Variants in NLGN1 observed in about 807,000 individuals in gnomAD.
NLGN1 encodes the protein neuroligin 1.
A neutral mutation model predicts 65.5 loss-of-function variants in NLGN1; 12 were observed. The ratio of observed to expected loss-of-function variants is 0.18; its 90% CI spans 0.12 to 0.30. NLGN1 has a LOEUF of 0.30. NLGN1 is among the 10% of genes least tolerant of loss of function. The pLI is 1.00. For synonymous variants in NLGN1, 350 were observed against 359.5 expected (o/e 0.97, Z 0.30); for missense variants, 750 against 1,007.1 (o/e 0.74, Z 3.46).
intron 4 of NLGN1, among the ~76,000 whole-genome samples, chr3:174,117,200 G>T (rs6765643): frequency 0.075 from 11,165 of 148,816 alleles, 479 homozygotes; most frequent in African/African-American, 0.1. Flanking sequence ...CATTATGTCT[G>T]TAATAGGCAT....
At chr3:173,794,633 T>C (rs1578466363) in intron 3 of NLGN1, among the ~76,000 whole-genome samples, 2 of 152,136 alleles carry the variant, frequency 1.3e-5, no homozygotes, top group African/African-American at 4.8e-5. Context: ...GAACATCAGT[T>C]TGAGATTCTT....
intron 2 of NLGN1, among the ~76,000 whole-genome samples, chr3:173,561,068 G>C (rs558660542): frequency 6.6e-6 from 1 of 152,248 alleles, no homozygotes; most frequent in South Asian, 2.1e-4. Flanking sequence ...AGCCTAGATT[G>C]TTCCTAATCT....
At chr3:173,705,817 G>A (rs1767966208) in intron 3 of NLGN1, among the ~76,000 whole-genome samples, 1 of 151,694 alleles carries the variant, frequency 6.6e-6, no homozygotes, top group Non-Finnish European at 1.5e-5. Context: ...GAACATTTTG[G>A]TCACAATTTT....
At chr3:174,293,798 CTG>C in the NLGN1 span, among the ~76,000 whole-genome samples, 1 of 151,538 alleles carries the variant, frequency 6.6e-6, no homozygotes, top group Non-Finnish European at 1.5e-5. Context: ...AAAATTAAAA[CTG>C]ACGTATTTCA....
At chr3:173,411,258 C>T (rs144242297) in intron 1 of NLGN1, among the ~76,000 whole-genome samples, 23 of 152,274 alleles carry the variant, frequency 1.5e-4, no homozygotes, top group African/African-American at 4.1e-4. Flanking sequence ...CATTCCCTTA[C>T]GGAGTCTAAA....
intron 3 of NLGN1, among the ~76,000 whole-genome samples, chr3:173,683,911 G>T (rs1764322665): frequency 6.6e-6 from 1 of 152,100 alleles, no homozygotes; most frequent in South Asian, 2.1e-4. Context: ...GGAAATGGCT[G>T]TTGGACTTGA....
At chr3:174,212,249 C>A (rs1430502440) in intron 4 of NLGN1, among the ~76,000 whole-genome samples, 1 of 152,214 alleles carries the variant, frequency 6.6e-6, no homozygotes, top group Admixed American at 6.5e-5. Flanking sequence ...GCCAGCAGGG[C>A]TGGCCGGCTG....
chr3:173,926,841 C>T (rs1188249070), intron 4 of NLGN1, among the ~76,000 whole-genome samples: 1 of 152,106 alleles, frequency 6.6e-6, no homozygotes, highest in Non-Finnish European at 1.5e-5. Context: ...CATTGTTAAC[C>T]ATACCTTTAG....
At chr3:173,837,263 A>G (rs2150644171) in intron 4 of NLGN1, among the ~76,000 whole-genome samples, 1 of 152,266 alleles carries the variant, frequency 6.6e-6, no homozygotes, top group South Asian at 2.1e-4. Flanking sequence ...TAAAGACAAA[A>G]GATGTTTTTA....
chr3:174,155,369 C>G (rs560531252), intron 4 of NLGN1, among the ~76,000 whole-genome samples: 1 of 151,708 alleles, frequency 6.6e-6, no homozygotes, highest in East Asian at 1.9e-4. Context: ...AGACATTAGT[C>G]TTTGAGGTAC....
chr3:174,001,589 A>G (rs1467502553), intron 4 of NLGN1, among the ~76,000 whole-genome samples: 2 of 152,174 alleles, frequency 1.3e-5, no homozygotes, highest in African/African-American at 2.4e-5. Context: ...AAGCAGACAT[A>G]TATTGGTTTA....
chr3:174,106,941 T>C (rs1241725705), intron 4 of NLGN1, among the ~76,000 whole-genome samples: 1 of 150,610 alleles, frequency 6.6e-6, no homozygotes, highest in Non-Finnish European at 1.5e-5. Flanking sequence ...GTGGATCTTC[T>C]ACTCGATCTA....
chr3:174,147,307 G>A (rs565150288), intron 4 of NLGN1, among the ~76,000 whole-genome samples: 20 of 151,806 alleles, frequency 1.3e-4, no homozygotes, highest in Non-Finnish European at 2.2e-4. Flanking sequence ...CCCACCTACA[G>A]GTCTACCGAA....
intron 2 of NLGN1, among the ~76,000 whole-genome samples, chr3:173,485,116 C>CAAAAAAAA: frequency 1.9e-5 from 1 of 52,904 alleles, no homozygotes; most frequent in South Asian, 8.5e-4. Flanking sequence ...TGGCAGCAGG[C>CAAAAAAAA]AAAAAAAAAA....
intron 4 of NLGN1, among the ~76,000 whole-genome samples, chr3:174,083,575 G>T (rs1291249870): frequency 6.6e-6 from 1 of 152,070 alleles, no homozygotes; most frequent in South Asian, 2.1e-4. Flanking sequence ...TTACTTGCAT[G>T]ACATCTTTAA....
intron 3 of NLGN1, among the ~76,000 whole-genome samples, chr3:173,683,346 T>A (rs1042076220): frequency 1.2e-4 from 18 of 152,154 alleles, no homozygotes; most frequent in Admixed American, 2.0e-4. Context: ...TTGAAAACAC[T>A]GCTTTTAGTG....
chr3:173,472,394 G>A (rs929893906), intron 2 of NLGN1, among the ~76,000 whole-genome samples: 28 of 151,808 alleles, frequency 1.8e-4, no homozygotes, highest in Non-Finnish European at 3.8e-4. Context: ...ATCTTGCCTC[G>A]TATAGAAAGT....
chr3:173,510,916 G>A (rs570573095), intron 2 of NLGN1, among the ~76,000 whole-genome samples: 6 of 152,102 alleles, frequency 3.9e-5, no homozygotes, highest in South Asian at 2.1e-4. Context: ...TTACAAATTC[G>A]CGAGATTAAG....
chr3:174,097,487 T>C (rs1316870330), intron 4 of NLGN1, among the ~76,000 whole-genome samples: 1 of 152,214 alleles, frequency 6.6e-6, no homozygotes, highest in African/African-American at 2.4e-5. Flanking sequence ...CAAATAATCA[T>C]TTTTATGTTT....
Sources: gnomAD v4.1 joint callset for allele counts (sites outside exome capture counted in the v4.1 genomes callset) on GRCh38, gnomAD v4.1.1 for gene constraint, MANE v1.5 for transcripts, NCBI Gene and HGNC (gene_info 2026-07-23, HGNC 2026-07-21) for gene names.